Variants in MAGI2 observed in about 807,000 individuals in gnomAD.
The protein encoded by MAGI2 is membrane-associated guanylate kinase, WW and PDZ domain-containing protein 2.
A neutral mutation model predicts 133.3 loss-of-function variants in MAGI2; 35 were observed. The ratio of observed to expected loss-of-function variants is 0.26; its 90% CI spans 0.20 to 0.35. MAGI2 has a LOEUF of 0.35. MAGI2 is among the 10% of genes least tolerant of loss of function. The pLI is 1.00. For synonymous variants in MAGI2, 729 were observed against 710.6 expected (o/e 1.03, Z -0.41); for missense variants, 1,636 against 1,863.4 (o/e 0.88, Z 2.25).
intron 9 of MAGI2, among the ~76,000 whole-genome samples, chr7:78,341,063 G>T (rs1031711276): frequency 1.3e-5 from 2 of 152,120 alleles, no homozygotes; most frequent in Admixed American, 1.3e-4. Context: ...AAACCCCATC[G>T]TCTCAGCCCA....
At chr7:79,393,327 AAAC>A (rs1844804729) in intron 1 of MAGI2, among the ~76,000 whole-genome samples, 1 of 152,206 alleles carries the variant, frequency 6.6e-6, no homozygotes, top group African/African-American at 2.4e-5. Context: ...TTAAGGGAAA[AAAC>A]AAGCTTCTTA....
intron 5 of MAGI2, among the ~76,000 whole-genome samples, chr7:78,497,212 T>C (rs1021732197): frequency 3.9e-5 from 6 of 152,194 alleles, no homozygotes; most frequent in African/African-American, 1.4e-4. Flanking sequence ...GTATTATACA[T>C]TTAAAAGTCT....
intron 2 of MAGI2, among the ~76,000 whole-genome samples, chr7:78,748,273 T>C (rs1172974990): frequency 6.6e-6 from 1 of 152,138 alleles, no homozygotes; most frequent in African/African-American, 2.4e-5. Flanking sequence ...GAGGGAGCCA[T>C]TTTTAGTTTG....
chr7:78,463,183 T>A (rs1188304042), intron 6 of MAGI2, among the ~76,000 whole-genome samples: 1 of 152,206 alleles, frequency 6.6e-6, no homozygotes, highest in Non-Finnish European at 1.5e-5. Flanking sequence ...AAGATGTGCC[T>A]GCTGAGAAGG....
chr7:79,364,037 T>G (rs955287459), intron 1 of MAGI2, among the ~76,000 whole-genome samples: 1 of 151,842 alleles, frequency 6.6e-6, no homozygotes. Flanking sequence ...AGAACCATCA[T>G]GAGATATCAC....
intron 1 of MAGI2, among the ~76,000 whole-genome samples, chr7:79,368,060 A>T (rs1842834953): frequency 6.6e-6 from 1 of 151,776 alleles, no homozygotes; most frequent in South Asian, 2.1e-4. Context: ...TTTGCAAATC[A>T]GGAGGGCAGA....
At chr7:78,035,626 T>A (rs1472809099) in intron 21 of MAGI2, among the ~76,000 whole-genome samples, 5 of 152,160 alleles carry the variant, frequency 3.3e-5, no homozygotes, top group Non-Finnish European at 5.9e-5. Flanking sequence ...TTCCTTAAAG[T>A]GAGATGTTAC....
chr7:78,239,493 TA>T (rs1790900469), intron 10 of MAGI2, among the ~76,000 whole-genome samples: 1 of 152,086 alleles, frequency 6.6e-6, no homozygotes, highest in East Asian at 1.9e-4. Flanking sequence ...TGGAAGAAAA[TA>T]TTTGTAAACT....
In MAGI2 at chr7:78,878,271, A is replaced by G. The variant is rs554789546; in HGVS notation, c.418+128819T>C. Among the ~76,000 whole-genome samples, 99 of 152,328 alleles carry G rather than the reference A, an allele frequency of 6.5e-4. 1 individual carries two copies. The highest frequency in any genetic ancestry group is 2.4e-3 in the African/African-American group (99 of 41,578). ...TTAGAAAAAACCTGTGCTTGGTTTCATACTCTTCTATTGCTCTACTGAATT... is the reference window on the plus strand; with the variant it reads ...TTAGAAAAAACCTGTGCTTGGTTTCGTACTCTTCTATTGCTCTACTGAATT... On this transcript the variant is annotated intron_variant, in intron 2 of 21. Transcript: ENST00000354212.
chr7:79,193,848 C>CT (rs1827866079), intron 1 of MAGI2, among the ~76,000 whole-genome samples: 1 of 151,836 alleles, frequency 6.6e-6, no homozygotes, highest in African/African-American at 2.4e-5. Flanking sequence ...AAACCGGTGT[C>CT]TGTTTCTGGG....
At chr7:79,301,772 T>A (rs1230798188) in intron 1 of MAGI2, among the ~76,000 whole-genome samples, 1 of 152,232 alleles carries the variant, frequency 6.6e-6, no homozygotes, top group Admixed American at 6.5e-5. Context: ...TCAAATCTCA[T>A]GTTGAATTGT....
intron 1 of MAGI2, among the ~76,000 whole-genome samples, chr7:79,022,384 G>A (rs1809418527): frequency 6.6e-6 from 1 of 152,064 alleles, no homozygotes; most frequent in Non-Finnish European, 1.5e-5. Context: ...GCAGTGATAA[G>A]AGGGGAGTTT....
intron 2 of MAGI2, among the ~76,000 whole-genome samples, chr7:78,659,071 C>A (rs1301961307): frequency 6.6e-6 from 1 of 152,146 alleles, no homozygotes; most frequent in African/African-American, 2.4e-5. Context: ...AGACGTCTGT[C>A]CTTCAAGAGG....
chr7:79,188,282 C>T (rs929016271), intron 1 of MAGI2, among the ~76,000 whole-genome samples: 1 of 151,730 alleles, frequency 6.6e-6, no homozygotes, highest in South Asian at 2.1e-4. Context: ...CTTTCCACCC[C>T]GCCTCCCCCA....
In MAGI2 at chr7:79,330,180, C is replaced by CT. The variant is rs544172383; in HGVS notation, c.301+122839dup. On this transcript the variant is annotated intron_variant, in intron 1 of 21. Coordinates refer to ENST00000354212, the MANE Select transcript of MAGI2 (RefSeq NM_012301.4). ...CACATCAGTAACAAACAATCTGCAT[C>CT]TTTTTTTTTTTTTTTTTTTTTTTTT... Among the ~76,000 whole-genome samples, 174 of 59,154 alleles carry CT rather than the reference C, an allele frequency of 2.9e-3. 10 individuals are homozygous for CT. The highest frequency in any genetic ancestry group is 0.011 in the African/African-American group (131 of 12,378). 38.8% of individuals were successfully genotyped at this position (59,154 alleles called of 152,430 possible).
At chr7:78,451,596 G>A (rs1788731620) in intron 6 of MAGI2, among the ~76,000 whole-genome samples, 1 of 152,072 alleles carries the variant, frequency 6.6e-6, no homozygotes, top group Non-Finnish European at 1.5e-5. Context: ...TCTTGGGCAT[G>A]TTATAGTTTA....
chr7:79,171,670 T>TA (rs1408442481), intron 1 of MAGI2, among the ~76,000 whole-genome samples: 47 of 143,452 alleles, frequency 3.3e-4, no homozygotes, highest in African/African-American at 1.2e-3. Context: ...TTTCATTCAA[T>TA]AAAAATAGAT....
At position 78,693,442 on chromosome 7, in the gene MAGI2, G is replaced by A. The variant is rs146448192; in HGVS notation, c.419-66203C>T. 2.3e-4 allele frequency among the ~76,000 whole-genome samples: 35 copies of A among 152,052 alleles called. No homozygotes were observed. In the East Asian group the frequency reaches 5.8e-3, roughly 25 times the overall value. ...ATCTGTTAACAAGTCTCTGCATTAC[G>A]GGTCAAGCAGAATCAAAAAGTTTCA... On this transcript the variant is annotated intron_variant, in intron 2 of 21. Transcript: ENST00000354212.
At chr7:78,695,485 C>T (rs964490582) in intron 2 of MAGI2, among the ~76,000 whole-genome samples, 2 of 152,138 alleles carry the variant, frequency 1.3e-5, no homozygotes, top group African/African-American at 4.8e-5. Flanking sequence ...CAGTGGCAGC[C>T]TTCACATACC....
Sources: allele counts gnomAD v4.1 joint callset (sites outside exome capture counted in the v4.1 genomes callset), GRCh38; gene constraint gnomAD v4.1.1; transcripts MANE v1.5; gene names NCBI Gene and HGNC (gene_info 2026-07-23, HGNC 2026-07-21).